MYCL: variants seen among roughly 807,000 people sequenced by gnomAD.
The protein encoded by MYCL is protein L-Myc.
MYCL carries 11 observed loss-of-function variants against 31.0 expected under a neutral mutation model. That is an observed-to-expected ratio of 0.35 (90% confidence interval 0.22 to 0.59). The LOEUF is 0.59. Ranked by LOEUF, MYCL falls within the 20% of genes least tolerant of loss-of-function variation. MYCL has a pLI of 0.79. For synonymous variants in MYCL, 208 were observed against 202.4 expected (o/e 1.03, Z -0.23); for missense variants, 427 against 486.1 (o/e 0.88, Z 1.14).
chr1:39,899,873 AATTT>A, intron 1 of MYCL: 1 of 985,444 alleles, frequency 1.0e-6, no homozygotes. Context: ...TCTTGGTCCT[AATTT>A]ATTTGTCACT....
Position 39,901,166 on chromosome 1 carries a change from A to G in MYCL, c.269T>C (p.Ile90Thr). 6.2e-7 allele frequency: 1 copy of G among 1,613,142 alleles called. No individual in the cohort carries two copies. Among genetic ancestry groups the G allele is most frequent in the Non-Finnish European group, 8.5e-7 (1 of 1,179,650 alleles). The change falls in exon 1 of 2, where the codon ATA (isoleucine) becomes ACA (threonine). Residue 90 changes from isoleucine (I) to threonine (T), a missense_variant. Transcript: ENST00000372816. This position sits in a 1 kb window ranked among gnomAD's most constrained non-coding sequence, Gnocchi z 6.9. ...KGWGRNYASI[I>T]RRDCMWSGFS... is the part of the protein sequence containing the mutation. The stretch of plus-strand genomic sequence containing the variant: ...GCCGCTCCACATGCAGTCACGGCGT[A>G]TGATGGAGGCGTAGTTCCTGCCCCA...
At position 39,897,785 on chromosome 1, in the gene MYCL, C is replaced by A. The variant is rs1440191684; in HGVS notation, c.682G>T (p.Ala228Ser). The change falls in exon 2 of 2, where the codon GCT becomes TCT. Residue 228 changes from alanine to serine, a missense_variant. Transcript: ENST00000372816. The surrounding 1 kb of genome is among the most constrained non-coding windows in gnomAD (Gnocchi z 4.3). ...FPPESCSQEE[A>S]SERGPQEEVL... ...TCTTCTTGGGGACCCCTCTCTGAAG[C>A]CTCTTCTTGGGAGCAGCTTTCTGGA... 1 of 1,614,188 alleles carries A rather than the reference C, an allele frequency of 6.2e-7. No homozygotes were observed. The highest frequency in any genetic ancestry group is 1.7e-5 in the Admixed American group (1 of 60,024).
rs2124720883 is a variant in MYCL at position 39,901,381 on chromosome 1, A to C, written c.54T>G (p.Asp18Glu). The part of the protein sequence containing the change: ...HYFYDYDCGE[D>E]FYRSTAPSED... ...CGCTGGGCGCCGTGGAGCGGTAGAAATCCTCCCCGCAGTCATAGTCGTAGA... is the reference window on the plus strand; with the variant it reads ...CGCTGGGCGCCGTGGAGCGGTAGAACTCCTCCCCGCAGTCATAGTCGTAGA... The change falls in exon 1 of 2, where the codon GAT (aspartate) becomes GAG (glutamate). Residue 18 changes from aspartate to glutamate, a missense_variant. Coordinates refer to ENST00000372816, the MANE Select transcript of MYCL (RefSeq NM_001033081.3). This position sits in a 1 kb window ranked among gnomAD's most constrained non-coding sequence, Gnocchi z 6.9. The C allele has an allele frequency of 6.2e-7, 1 of 1,612,644 alleles. No individual in the cohort carries two copies. Among genetic ancestry groups the C allele is most frequent in the Admixed American group, 1.7e-5 (1 of 59,948 alleles).
Position 39,900,999 on chromosome 1 carries a change from AG to A in MYCL, c.435del (p.Cys146ValfsTer28). 6.7e-7 allele frequency: 1 copy of A among 1,485,630 alleles called. No individual in the cohort carries two copies. The highest frequency in any genetic ancestry group is 2.5e-5 in the Admixed American group (1 of 39,284). 92.0% of individuals were successfully genotyped at this position (1,485,630 alleles called of 1,614,324 possible). On this transcript the variant is annotated frameshift_variant, in exon 1 of 2. Coordinates refer to ENST00000372816, the MANE Select transcript of MYCL (RefSeq NM_001033081.3). LOFTEE classifies it high-confidence loss of function. ...TGGGTCTTGGGTTCGCCCAGCGGAC[AG>A]GGGGCGGCGGGCGCCGGGTTGCCGG... ...LEAGNPAPAA[P>X]CPLGEPKTQA...
chr1:39,896,551 C>T lies in MYCL; in HGVS notation c.*821G>A, dbSNP rs183912200. ...CTATCCCCAGGCCCCAGGCTAGGAC[C>T]GATTTCCCTGTGTCTTGGGGAAATA... On this transcript the variant is annotated 3_prime_UTR_variant, in exon 2 of 2. Transcript: ENST00000372816. 1.8e-4 allele frequency: 38 copies of T among 214,120 alleles called. No individual in the cohort carries two copies. The highest frequency in any genetic ancestry group is 3.5e-4 in the Admixed American group (6 of 17,046). The allele number at this position is 214,120 out of a possible 1,614,324, so 13.3% of individuals were successfully genotyped here.
chr1:39,897,208 GA>G lies in MYCL; in HGVS notation c.*163del. ...GAGAGCTGGGTTTCAAGGTTTCCAA[GA>G]ATGCAAGCCTTTATTGTGTGTGCAC... On this transcript the variant is annotated 3_prime_UTR_variant, in exon 2 of 2. Coordinates refer to ENST00000372816, the MANE Select transcript of MYCL (RefSeq NM_001033081.3). The surrounding 1 kb of genome is among the most constrained non-coding windows in gnomAD (Gnocchi z 4.3). 1.4e-6 allele frequency: 1 copy of G among 695,154 alleles called. No homozygotes were observed. Among genetic ancestry groups the G allele is most frequent in the East Asian group, 2.5e-5 (1 of 39,884 alleles). The allele number at this position is 695,154 out of a possible 1,614,324, so 43.1% of individuals were successfully genotyped here.
rs931626347 is a variant in MYCL at position 39,900,729 on chromosome 1, G to A, written c.496+210C>T. The A allele has an allele frequency of 2.8e-6, 4 of 1,403,882 alleles. No individual in the cohort carries two copies. The African/African-American group carries it at 4.5e-5, about 16-fold the overall frequency. 87.0% of individuals were successfully genotyped at this position (1,403,882 alleles called of 1,614,324 possible). A position where few individuals can be genotyped will look rare whatever the true frequency, so the allele number is the denominator to read the frequency against. On this transcript the variant is annotated intron_variant, in intron 1 of 1. Coordinates refer to ENST00000372816, the MANE Select transcript of MYCL (RefSeq NM_001033081.3). ...GGGGCTCCAATAATCATCAAAGGGA[G>A]GCTGGCTCCCACGCCACTTTTCCAA... is the stretch of plus-strand genomic sequence containing the variant.
In MYCL at chr1:39,897,796, G is replaced by A. The variant is rs755352384; in HGVS notation, c.671C>T (p.Ser224Phe). 14 of 1,614,038 alleles carry A rather than the reference G, an allele frequency of 8.7e-6. No homozygotes were observed. The Admixed American group carries it at 1.8e-4, about 21-fold the overall frequency. The change falls in exon 2 of 2, where the codon TCC (serine) becomes TTC (phenylalanine). Residue 224 changes from serine (S) to phenylalanine (F), a missense_variant. Coordinates refer to ENST00000372816, the MANE Select transcript of MYCL (RefSeq NM_001033081.3). This position sits in a 1 kb window ranked among gnomAD's most constrained non-coding sequence, Gnocchi z 4.3. The part of the protein sequence containing the change: ...YAARFPPESC[S>F]QEEASERGPQ... ...ACCCCTCTCTGAAGCCTCTTCTTGG[G>A]AGCAGCTTTCTGGAGGAAAACGGGC... is the stretch of plus-strand genomic sequence containing the variant.
chr1:39,899,132 TTC>T lies in MYCL; in HGVS notation c.497-1164_497-1163del, dbSNP rs552253455. On this transcript the variant is annotated intron_variant, in intron 1 of 1. Coordinates refer to ENST00000372816, the MANE Select transcript of MYCL (RefSeq NM_001033081.3). ...TTGGCTGATTACGCTGTGTTTGGAC[TTC>T]TGTCTTACCCAGCCCCTAGCCCCTA... 1.6e-5 allele frequency: 15 copies of T among 963,038 alleles called. No individual in the cohort carries two copies. In the African/African-American group the frequency reaches 2.5e-4, roughly 16 times the overall value. The allele number at this position is 963,038 out of a possible 1,614,324, so 59.7% of individuals were successfully genotyped here.
In MYCL at chr1:39,896,227, A is replaced by T. The variant is rs1183835394; in HGVS notation, c.*1145T>A. ...GATGAGTCCCAACAGCTCTCCCCAA[A>T]ACTTCAGAAACGCCCAGATTCTGGG... is the stretch of plus-strand genomic sequence containing the variant. On this transcript the variant is annotated 3_prime_UTR_variant, in exon 2 of 2. Coordinates refer to ENST00000372816, the MANE Select transcript of MYCL (RefSeq NM_001033081.3). 5.0e-6 allele frequency: 1 copy of T among 200,098 alleles called. No individual in the cohort carries two copies. Among genetic ancestry groups the T allele is most frequent in the Non-Finnish European group, 1.0e-5 (1 of 97,128 alleles). 12.4% of individuals were successfully genotyped at this position (200,098 alleles called of 1,614,324 possible).
intron 1 of MYCL, 107 bp from the exon 2 acceptor site, chr1:39,898,077 T>A: frequency 6.8e-7 from 1 of 1,469,882 alleles, no homozygotes; most frequent in South Asian, 1.4e-5. Flanking sequence ...GTAGGAGACA[T>A]TTTTCCAATT....
At chr1:39,898,909 C>T (rs1490396422) in intron 1 of MYCL, 1 of 985,346 alleles carries the variant, frequency 1.0e-6, no homozygotes, top group Admixed American at 6.1e-5. Flanking sequence ...CCTCCTGCTC[C>T]ACACATTTTG....
rs967201905 is a variant in MYCL at position 39,901,373 on chromosome 1, C to T, written c.62G>A (p.Arg21His). Residue 21 changes from arginine to histidine, a missense_variant, in exon 1 of 2, where the codon CGC becomes CAC. By Grantham distance (29) the Arg-to-His change is conservative. Coordinates refer to ENST00000372816, the MANE Select transcript of MYCL (RefSeq NM_001033081.3). The surrounding 1 kb of genome is among the most constrained non-coding windows in gnomAD (Gnocchi z 6.9). ...GATGTCCTCGCTGGGCGCCGTGGAG[C>T]GGTAGAAATCCTCCCCGCAGTCATA... is the stretch of plus-strand genomic sequence containing the variant. ...YDYDCGEDFY[R>H]STAPSEDIWK... 2.5e-6 allele frequency: 4 copies of T among 1,612,190 alleles called. No individual in the cohort carries two copies. Among genetic ancestry groups the T allele is most frequent in the Admixed American group, 1.7e-5 (1 of 59,832 alleles).
Position 39,897,960 on chromosome 1 carries a change from T to C in MYCL, c.507A>G (p.Glu169=), listed in dbSNP as rs1476874991. 6.2e-7 allele frequency: 1 copy of C among 1,612,376 alleles called. No individual in the cohort carries two copies. Among genetic ancestry groups the C allele is most frequent in the East Asian group, 2.2e-5 (1 of 44,838 alleles). The part of the protein sequence containing the change: ...SESPSDSENE[E]IDVVTVEKRQ... ...TCTTCTCTACTGTCACAACATCAAT[T>C]TCTTCATTCTCTGTCCGAGAAAAGA... is the stretch of plus-strand genomic sequence containing the variant. Residue 169 remains glutamate, a synonymous_variant, in exon 2 of 2, where the codon GAA becomes GAG. Coordinates refer to ENST00000372816, the MANE Select transcript of MYCL (RefSeq NM_001033081.3). This position sits in a 1 kb window ranked among gnomAD's most constrained non-coding sequence, Gnocchi z 4.3.
intron 1 of MYCL, chr1:39,898,994 A>G: frequency 1.0e-6 from 1 of 985,446 alleles, no homozygotes; most frequent in Non-Finnish European, 1.2e-6. Context: ...GCTTCTTTGC[A>G]TATCAGGAAG....
Position 39,901,775 on chromosome 1 carries a change from C to A in MYCL, c.-341G>T. On this transcript the variant is annotated 5_prime_UTR_variant, in exon 1 of 2. Transcript: ENST00000372816. The surrounding 1 kb of genome is among the most constrained non-coding windows in gnomAD (Gnocchi z 6.9). ...CTGCAGCCAGCCCGCACCGCGGGACCCGCGCCCGTGCCCTGGCCACCCGCA... is the reference window on the plus strand; with the variant it reads ...CTGCAGCCAGCCCGCACCGCGGGACACGCGCCCGTGCCCTGGCCACCCGCA... The A allele has an allele frequency of 8.0e-7, 1 of 1,242,832 alleles. No individual in the cohort carries two copies. The highest frequency in any genetic ancestry group is 1.0e-6 in the Non-Finnish European group (1 of 986,928). The allele number at this position is 1,242,832 out of a possible 1,614,324, so 77.0% of individuals were successfully genotyped here.
rs1355468287 is a variant in MYCL, at chr1:39,896,655, A to T, written c.*717T>A. On this transcript the variant is annotated 3_prime_UTR_variant, in exon 2 of 2. Coordinates refer to ENST00000372816, the MANE Select transcript of MYCL (RefSeq NM_001033081.3). ...TGGAACAAAAAAGTCCCTTGTGAGG[A>T]AAGAAAGGTCCCTCCCTCAGAGGAG... 2 of 209,810 alleles carry T rather than the reference A, an allele frequency of 9.5e-6. No homozygotes were observed. The allele number at this position is 209,810 out of a possible 1,614,324, so 13.0% of individuals were successfully genotyped here.
In MYCL at chr1:39,901,863, G is replaced by C. The variant is rs762974490; in HGVS notation, c.-429C>G. ...ACCGGCTCCCCGCCGGCTCGGGGCA[G>C]CCCGGCAGCCAGCACACACGCACAT... On this transcript the variant is annotated 5_prime_UTR_variant, in exon 1 of 2. Transcript: ENST00000372816. This position sits in a 1 kb window ranked among gnomAD's most constrained non-coding sequence, Gnocchi z 6.9. The C allele has an allele frequency of 1.6e-6, 2 of 1,226,804 alleles. No individual in the cohort carries two copies. Among genetic ancestry groups the C allele is most frequent in the East Asian group, 7.7e-5 (2 of 26,086 alleles). The allele number at this position is 1,226,804 out of a possible 1,614,324, so 76.0% of individuals were successfully genotyped here.
intron 1 of MYCL, chr1:39,898,619 T>C (rs538775165): frequency 1.0e-6 from 1 of 980,914 alleles, no homozygotes; most frequent in South Asian, 4.7e-5. Context: ...GTTTCTAAAG[T>C]CATCCATCAT....
Sources: allele counts gnomAD v4.1 joint callset, GRCh38; gene constraint gnomAD v4.1.1; non-coding constraint Gnocchi (gnomAD v3.1); transcripts MANE v1.5; gene names NCBI Gene and HGNC (gene_info 2026-07-23, HGNC 2026-07-21).